PSTPIP2: variants seen among roughly 807,000 people sequenced by gnomAD.
The protein encoded by PSTPIP2 is proline-serine-threonine phosphatase-interacting protein 2.
Under a neutral mutation model 63.3 loss-of-function variants are expected in PSTPIP2, and 33 were observed. That is an observed-to-expected ratio of 0.52 (90% confidence interval 0.40 to 0.70). PSTPIP2 has a LOEUF of 0.70. Among genes scored for constraint, PSTPIP2 ranks in the 30% least tolerant of loss-of-function variants. The probability of loss-of-function intolerance (pLI) is 0.00; values close to 1 mark genes in which losing one functional copy is unlikely to be tolerated. For missense variants in PSTPIP2, 312 were observed against 400.7 expected, an observed-to-expected ratio of 0.78 and a Z score of 1.89; for synonymous variants, 125 against 132.7, an observed-to-expected ratio of 0.94 and a Z score of 0.40.
chr18:46,040,306 A>C, intron 1 of PSTPIP2: 1 of 334,372 alleles, frequency 3.0e-6, no homozygotes, highest in Non-Finnish European at 5.5e-6. Context: ...GTGAATGAAT[A>C]ATCCACCAAC....
intron 3 of PSTPIP2, chr18:46,016,195 G>T: frequency 2.1e-6 from 1 of 467,522 alleles, no homozygotes. Flanking sequence ...TTTCTCCAAT[G>T]ATAGGATAGG....
At chr18:45,996,814 C>T (rs933394657) in intron 9 of PSTPIP2, among the ~76,000 whole-genome samples, 4 of 152,014 alleles carry the variant, frequency 2.6e-5, no homozygotes, top group South Asian at 4.2e-4. Context: ...TGGTGGTGCA[C>T]GCCTGTAGTC....
At chr18:46,070,365 G>A (rs778236556) in intron 1 of PSTPIP2, among the ~76,000 whole-genome samples, 3 of 152,144 alleles carry the variant, frequency 2.0e-5, no homozygotes, top group South Asian at 2.1e-4. Context: ...CACCCTCTCC[G>A]CTAAGACCTC....
chr18:46,026,705 GCCT>G (rs751265403), intron 2 of PSTPIP2, among the ~76,000 whole-genome samples: 12 of 151,934 alleles, frequency 7.9e-5, no homozygotes, highest in Non-Finnish European at 1.0e-4. Context: ...GCAAGACCGC[GCCT>G]CTACAAAATT....
At position 46,026,967 on chromosome 18, in the gene PSTPIP2, T is replaced by C. The variant is rs1907598783; in HGVS notation, c.135-2281A>G. Among the ~76,000 whole-genome samples the C allele has an allele frequency of 1.3e-5, 2 of 152,034 alleles. 1 individual carries two copies. The highest frequency in any genetic ancestry group is 4.1e-4 in the South Asian group (2 of 4,822). ...TCTGCAGGTATACAAATAGGAAGGA[T>C]GAACAGATGCATGCAACAAATAATT... On this transcript the variant is annotated intron_variant, in intron 2 of 14. Coordinates refer to ENST00000409746, the MANE Select transcript of PSTPIP2 (RefSeq NM_024430.4).
At position 45,992,289 on chromosome 18, in the gene PSTPIP2, G is replaced by A. The variant is rs569025522; in HGVS notation, c.742-87C>T. ...TAAAAACATGGGTTTGAGGCGGGGC[G>A]CAGTGGCTCATGTCTGTAATCCCAG... On this transcript the variant is annotated intron_variant, in intron 10 of 14. Transcript: ENST00000409746. 2.9e-4 allele frequency: 330 copies of A among 1,133,638 alleles called. 4 individuals carry two copies. In the South Asian group the frequency reaches 3.7e-3, roughly 13 times the overall value. The allele number at this position is 1,133,638 out of a possible 1,614,324, so 70.2% of individuals were successfully genotyped here.
chr18:46,061,268 C>T (rs1335598413), intron 1 of PSTPIP2, among the ~76,000 whole-genome samples: 3 of 150,348 alleles, frequency 2.0e-5, no homozygotes, highest in East Asian at 1.9e-4. Flanking sequence ...TGCACCACTG[C>T]ACTCCAGCCT....
chr18:45,999,343 G>T, intron 7 of PSTPIP2, 93 bp downstream of exon 7: 1 of 1,186,368 alleles, frequency 8.4e-7, no homozygotes, highest in East Asian at 2.4e-5. Flanking sequence ...AGGGGTTTAG[G>T]ATACAGGTTC....
chr18:45,998,766 C>T (rs1355172404), intron 8 of PSTPIP2, 28 bp downstream of exon 8: 2 of 1,611,136 alleles, frequency 1.2e-6, no homozygotes, highest in African/African-American at 2.7e-5. Context: ...CAGCAACCCT[C>T]CCCCATCCGT....
intron 5 of PSTPIP2, among the ~76,000 whole-genome samples, chr18:46,006,671 G>C (rs1013985318): frequency 6.6e-6 from 1 of 152,086 alleles, no homozygotes; most frequent in Non-Finnish European, 1.5e-5. Flanking sequence ...ACCGCGCCCG[G>C]CCTCCCTGTT....
At chr18:46,031,440 A>G (rs1002001170) in intron 2 of PSTPIP2, among the ~76,000 whole-genome samples, 2 of 152,112 alleles carry the variant, frequency 1.3e-5, no homozygotes, top group African/African-American at 4.8e-5. Context: ...TCAGGCCTCT[A>G]TTCTTCGACT....
chr18:45,989,209 G>A (rs1259243475), intron 13 of PSTPIP2, among the ~76,000 whole-genome samples: 1 of 151,986 alleles, frequency 6.6e-6, no homozygotes, highest in African/African-American at 2.4e-5. Context: ...TTTTGGCTCT[G>A]TGTCCCCACC....
intron 1 of PSTPIP2, among the ~76,000 whole-genome samples, chr18:46,065,052 G>C (rs887957563): frequency 6.7e-6 from 1 of 150,068 alleles, no homozygotes; most frequent in Admixed American, 6.7e-5. Flanking sequence ...GCTGAGGCAG[G>C]AGAATTGCTT....
chr18:46,012,273 A>T (rs1188623357), intron 4 of PSTPIP2, among the ~76,000 whole-genome samples: 1 of 152,170 alleles, frequency 6.6e-6, no homozygotes. Context: ...TGTTGGGGAA[A>T]AAAAAAACAG....
At chr18:46,025,652 C>G (rs1907551512) in intron 2 of PSTPIP2, among the ~76,000 whole-genome samples, 2 of 149,530 alleles carry the variant, frequency 1.3e-5, no homozygotes, top group Non-Finnish European at 3.0e-5. Flanking sequence ...AGTACAAAGT[C>G]TCCTGAGTTA....
intron 14 of PSTPIP2, 84 bp downstream of exon 14, chr18:45,988,618 T>C: frequency 8.4e-7 from 1 of 1,185,878 alleles, no homozygotes; most frequent in South Asian, 1.2e-5. Context: ...TTTGTGGTAG[T>C]GTTATAAATA....
At chr18:46,029,555 A>G in intron 2 of PSTPIP2, 2 of 792,854 alleles carry the variant, frequency 2.5e-6, no homozygotes, top group Non-Finnish European at 4.6e-6. Context: ...GTAAATATAA[A>G]TAATCAAGAT....
At chr18:45,996,615 A>G (rs142060842) in intron 9 of PSTPIP2, among the ~76,000 whole-genome samples, 4 of 151,784 alleles carry the variant, frequency 2.6e-5, no homozygotes, top group Non-Finnish European at 5.9e-5. Context: ...AATTGAAGGT[A>G]TGAGGAGAGT....
intron 1 of PSTPIP2, among the ~76,000 whole-genome samples, chr18:46,061,353 G>A (rs930662309): frequency 4.6e-5 from 7 of 151,984 alleles, no homozygotes; most frequent in African/African-American, 1.7e-4. Context: ...CCAAAATGAG[G>A]CTGCTTCGCA....
Sources: gnomAD v4.1 joint callset for allele counts (sites outside exome capture counted in the v4.1 genomes callset) on GRCh38, gnomAD v4.1.1 for gene constraint, MANE v1.5 for transcripts, NCBI Gene and HGNC (gene_info 2026-07-23, HGNC 2026-07-21) for gene names.